LRP1: variants seen among roughly 807,000 people sequenced by gnomAD.
LRP1 encodes prolow-density lipoprotein receptor-related protein 1.
Under a neutral mutation model 541.5 loss-of-function variants are expected in LRP1, and 51 were observed. The observed-to-expected ratio is 0.09, with a 90% CI of 0.08 to 0.12. LRP1 has a LOEUF of 0.12. Ranked by LOEUF, LRP1 falls within the 10% of genes least tolerant of loss-of-function variation. LRP1 has a pLI of 1.00. For synonymous variants in LRP1, 2,219 were observed against 2,470.8 expected, an observed-to-expected ratio of 0.90 and a Z score of 3.02; for missense variants, 3,878 against 6,376.2, an observed-to-expected ratio of 0.61 and a Z score of 13.34.
At chr12:57,198,796 C>A in intron 60 of LRP1, 126 bp downstream of exon 60, 1 of 949,972 alleles carries the variant, frequency 1.1e-6, no homozygotes, top group Non-Finnish European at 1.6e-6. Context: ...CCTGAGGACA[C>A]CACTCACTGG....
At position 57,141,375 on chromosome 12, in the gene LRP1, T is replaced by C; in HGVS notation, c.192T>C (p.Cys64=). 1 of 1,614,058 alleles carries C rather than the reference T, an allele frequency of 6.2e-7. No individual in the cohort carries two copies. The highest frequency in any genetic ancestry group is 8.5e-7 in the Non-Finnish European group (1 of 1,180,010). The part of the protein sequence containing the change: ...PDGSDEAPEI[C]PQSKAQRCQP... ...GCCCACCCTTCTGTCTGCCCTCAGG[T>C]CCACAGAGTAAGGCCCAGCGATGCC... The change falls in exon 3 of 89, where the codon TGT becomes TGC. Residue 64 remains cysteine (C), a splice_region_variant and synonymous_variant. Transcript: ENST00000243077.
rs950078721 is a variant in LRP1, at chr12:57,176,060, C to T, written c.3945C>T (p.Asp1315=). The stretch of plus-strand genomic sequence containing the variant: ...GCCAGAGCGCCCTCTACTGGACCGA[C>T]GTGGTGGAGGACAAGATCTACCGCG... ...HLSQSALYWT[D]VVEDKIYRGK... The change falls in exon 24 of 89, where the codon GAC becomes GAT. Residue 1315 remains aspartate (D), a synonymous_variant. Transcript: ENST00000243077. 19 of 1,614,112 alleles carry T rather than the reference C, an allele frequency of 1.2e-5. No individual in the cohort carries two copies. The highest frequency in any genetic ancestry group is 1.0e-4 in the Admixed American group (6 of 60,006).
At position 57,205,053 on chromosome 12, in the gene LRP1, G is replaced by T. The variant is rs148145634; in HGVS notation, c.11195-56G>T. ...AGCCACTGTTATCTATGGGGTTGCC[G>T]TGGGAGGAGGAGGCAGGGGAGAATA... On this transcript the variant is annotated intron_variant, in intron 72 of 88. Coordinates refer to ENST00000243077, the MANE Select transcript of LRP1 (RefSeq NM_002332.3). The surrounding 1 kb of genome is among the most constrained non-coding windows in gnomAD (Gnocchi z 4.6). The T allele has an allele frequency of 3.8e-6, 6 of 1,560,554 alleles. No individual in the cohort carries two copies. In the African/African-American group the frequency reaches 8.2e-5, roughly 21 times the overall value.
In LRP1 at chr12:57,213,097, A is replaced by G. The variant is rs1263801634; in HGVS notation, c.*542A>G. On this transcript the variant is annotated 3_prime_UTR_variant, in exon 89 of 89. Coordinates refer to ENST00000243077, the MANE Select transcript of LRP1 (RefSeq NM_002332.3). ...CTCCAGGGGCACCTATGAGATGGCC[A>G]TGCTCAACCCCCCTCCCAGACAGGC... 1 of 152,334 alleles carries G rather than the reference A, an allele frequency of 6.6e-6. No homozygotes were observed. Among genetic ancestry groups the G allele is most frequent in the Non-Finnish European group, 1.5e-5 (1 of 68,430 alleles). The allele number at this position is 152,334 out of a possible 1,614,324, so 9.4% of individuals were successfully genotyped here.
chr12:57,135,827 G>A (rs1413673420), intron 1 of LRP1, among the ~76,000 whole-genome samples: 2 of 152,182 alleles, frequency 1.3e-5, no homozygotes, highest in African/African-American at 4.8e-5. Flanking sequence ...CCAAAAATGG[G>A]GGTGGGGGAC....
Position 57,183,289 on chromosome 12 carries a change from A to G in LRP1, c.5663-90A>G. On this transcript the variant is annotated intron_variant, in intron 34 of 88. Transcript: ENST00000243077. This position sits in a 1 kb window ranked among gnomAD's most constrained non-coding sequence, Gnocchi z 6.1. ...TGATGGTGGGGGGGGATGATATCAA[A>G]GGAGAAGCAGAGAACAGTTGGAGGG... is the stretch of plus-strand genomic sequence containing the variant. The G allele has an allele frequency of 7.3e-7, 1 of 1,375,040 alleles. No individual in the cohort carries two copies. The highest frequency in any genetic ancestry group is 1.0e-6 in the Non-Finnish European group (1 of 989,762). 85.2% of individuals were successfully genotyped at this position (1,375,040 alleles called of 1,614,324 possible). A position where few individuals can be genotyped will look rare whatever the true frequency, so the allele number is the denominator to read the frequency against.
intron 2 of LRP1, among the ~76,000 whole-genome samples, chr12:57,138,925 C>T (rs746700005): frequency 6.6e-6 from 1 of 152,168 alleles, no homozygotes; most frequent in Non-Finnish European, 1.5e-5. Context: ...GATGATTGGC[C>T]CCAGGTCTTG....
At chr12:57,176,397 G>A (rs35103370) in intron 24 of LRP1, among the ~76,000 whole-genome samples, 3,946 of 152,336 alleles carry the variant, frequency 0.026, 174 homozygotes, top group African/African-American at 0.089. Flanking sequence ...AAGCCACTTA[G>A]GAGTGGCGTA....
Position 57,185,193 on chromosome 12 carries a change from G to A in LRP1, c.6451G>A (p.Asp2151Asn). Residue 2151 changes from aspartate (D) to asparagine (N), a missense_variant, in exon 40 of 89, where the codon GAC becomes AAC. Physicochemically the swap from Asp to Asn is conservative, Grantham distance 23 (BLOSUM62 1). Coordinates refer to ENST00000243077, the MANE Select transcript of LRP1 (RefSeq NM_002332.3). The surrounding 1 kb of genome is among the most constrained non-coding windows in gnomAD (Gnocchi z 4.9). ...QLKDIKVFNR[D>N]RQKGTNVCAV... ...TAAAGACATCAAAGTCTTCAACCGG[G>A]ACCGGCAGAAAGGTGAGGCTGGGGC... is the stretch of plus-strand genomic sequence containing the variant. 1.9e-6 allele frequency: 3 copies of A among 1,614,134 alleles called. No individual in the cohort carries two copies. Among genetic ancestry groups the A allele is most frequent in the South Asian group, 1.1e-5 (1 of 91,042 alleles).
At position 57,196,840 on chromosome 12, in the gene LRP1, G is replaced by A. The variant is rs75865876; in HGVS notation, c.8893-142G>A. ...ACACAGAAGGAGGCCTGCACTGTGGGCCAGCTGGGTGGGCTCAGTACCCAT... is the reference window on the plus strand; with the variant it reads ...ACACAGAAGGAGGCCTGCACTGTGGACCAGCTGGGTGGGCTCAGTACCCAT... On this transcript the variant is annotated intron_variant, in intron 55 of 88. Transcript: ENST00000243077. 8.6e-3 allele frequency: 5,912 copies of A among 684,982 alleles called. 36 individuals carry two copies. The highest frequency in any genetic ancestry group is 0.012 in the Admixed American group (471 of 40,642). 42.4% of individuals were successfully genotyped at this position (684,982 alleles called of 1,614,324 possible).
Position 57,128,815 on chromosome 12 carries a change from GC to G in LRP1, c.-146del, listed in dbSNP as rs919009400. 3 of 632,386 alleles carry G rather than the reference GC, an allele frequency of 4.7e-6. No homozygotes were observed. The African/African-American group carries it at 5.5e-5, about 12-fold the overall frequency. The allele number at this position is 632,386 out of a possible 1,614,324, so 39.2% of individuals were successfully genotyped here. On this transcript the variant is annotated 5_prime_UTR_variant, in exon 1 of 89. Coordinates refer to ENST00000243077, the MANE Select transcript of LRP1 (RefSeq NM_002332.3). ...CTCGGAACTCTACCTCTTCACCCAC[GC>G]CCCTGGTGCGCTTTGCCGAAGGAAA...
chr12:57,141,320 C>T (rs2035285559), intron 2 of LRP1, 54 bp from the exon 3 acceptor site: 1 of 1,609,112 alleles, frequency 6.2e-7, no homozygotes, highest in Non-Finnish European at 8.5e-7. Flanking sequence ...GAACAGCTGA[C>T]CAGAGAGCCA....
chr12:57,206,774 A>G lies in LRP1; in HGVS notation c.11859+33A>G, dbSNP rs767895601. On this transcript the variant is annotated intron_variant, in intron 76 of 88. Transcript: ENST00000243077. This position sits in a 1 kb window ranked among gnomAD's most constrained non-coding sequence, Gnocchi z 4.7. Reference sequence around the variant, plus strand: ...CCCAACCTGGCGTGGATGGAGTGGAAGAGCTCCATAGAGCAGGCGGTTCAG... The same window carrying G: ...CCCAACCTGGCGTGGATGGAGTGGAGGAGCTCCATAGAGCAGGCGGTTCAG... 2.4e-5 allele frequency: 39 copies of G among 1,599,192 alleles called. No homozygotes were observed. Among genetic ancestry groups the G allele is most frequent in the Non-Finnish European group, 3.2e-5 (38 of 1,175,252 alleles).
intron 48 of LRP1, 53 bp downstream of exon 48, chr12:57,194,065 C>A: frequency 6.7e-7 from 1 of 1,487,712 alleles, no homozygotes; most frequent in Non-Finnish European, 9.3e-7. Flanking sequence ...TCGCTCACTG[C>A]ATCTCCCGCC....
In LRP1 at chr12:57,128,609, C is replaced by A. The variant is rs984598611; in HGVS notation, c.-356C>A. On this transcript the variant is annotated 5_prime_UTR_variant, in exon 1 of 89. Transcript: ENST00000243077. The stretch of plus-strand genomic sequence containing the variant: ...CCCCTACCCGGTCCACGCCCCCCAC[C>A]CCCCCTCCCCGCCTCCTCCCAATTG... The A allele has an allele frequency of 7.2e-5, 30 of 415,290 alleles. No individual in the cohort carries two copies. Among genetic ancestry groups the A allele is most frequent in the South Asian group, 1.8e-4 (2 of 11,278 alleles). 25.7% of individuals were successfully genotyped at this position (415,290 alleles called of 1,614,324 possible). A position where few individuals can be genotyped will look rare whatever the true frequency, so the allele number is the denominator to read the frequency against.
In LRP1 at chr12:57,166,093, C is replaced by T. The variant is rs1458071086; in HGVS notation, c.2681C>T (p.Thr894Ile). The T allele has an allele frequency of 6.2e-7, 1 of 1,614,118 alleles. No homozygotes were observed. The highest frequency in any genetic ancestry group is 8.5e-7 in the Non-Finnish European group (1 of 1,180,048). Residue 894 changes from threonine (T) to isoleucine (I), a missense_variant, in exon 17 of 89, where the codon ACC (threonine) becomes ATC (isoleucine). Around this residue, in one of 13 missense-constraint regions of LRP1, gnomAD observed 496 missense variants for 861.0 expected, o/e 0.58. Coordinates refer to ENST00000243077, the MANE Select transcript of LRP1 (RefSeq NM_002332.3). ...CTCATTCCCTCCCCAGATCAGCACA[C>T]CTGCCCCTCGGACCGATTCAAGTGC... is the stretch of plus-strand genomic sequence containing the variant. ...DEAPALCHQH[T>I]CPSDRFKCEN... is the part of the protein sequence containing the mutation.
chr12:57,186,633 C>T (rs902121004), intron 41 of LRP1, among the ~76,000 whole-genome samples: 6 of 152,160 alleles, frequency 3.9e-5, no homozygotes, highest in African/African-American at 9.7e-5. Context: ...ATGTAGCATC[C>T]GAAGCTAAAC....
chr12:57,151,340 G>C (rs1049288935), intron 6 of LRP1, among the ~76,000 whole-genome samples: 3 of 152,122 alleles, frequency 2.0e-5, no homozygotes, highest in Non-Finnish European at 1.5e-5. Flanking sequence ...GTGGTCTCTC[G>C]TCTGACTCCT....
At chr12:57,193,470 T>C in intron 46 of LRP1, 96 bp from the exon 47 acceptor site, 1 of 1,538,346 alleles carries the variant, frequency 6.5e-7, no homozygotes, top group Non-Finnish European at 8.8e-7. Flanking sequence ...GCCTTTGGGT[T>C]TGGGGGTGGC....
Sources: allele counts gnomAD v4.1 joint callset (sites outside exome capture counted in the v4.1 genomes callset), GRCh38; gene constraint gnomAD v4.1.1; regional missense constraint gnomAD v4.1.1; non-coding constraint Gnocchi (gnomAD v3.1); transcripts MANE v1.5; gene names NCBI Gene and HGNC (gene_info 2026-07-23, HGNC 2026-07-21).